ZNF638: variants seen among roughly 807,000 people sequenced by gnomAD.
ZNF638 encodes CTCL tumor antigen se33-1.
A neutral mutation model predicts 195.6 loss-of-function variants in ZNF638; 46 were observed. That is an observed-to-expected ratio of 0.24 (90% confidence interval 0.19 to 0.30). ZNF638 has a LOEUF of 0.30. Among genes scored for constraint, ZNF638 ranks in the 10% least tolerant of loss-of-function variants. The pLI, the probability that ZNF638 is intolerant of heterozygous loss-of-function variation, is 1.00. For missense variants in ZNF638, 2,440 were observed against 2,325.3 expected (o/e 1.05, Z -1.01); for synonymous variants, 845 against 772.0 (o/e 1.09, Z -1.57).
In ZNF638 at chr2:71,423,474, C is replaced by G; in HGVS notation, c.3960C>G (p.Thr1320=). The G allele has an allele frequency of 2.5e-6, 4 of 1,613,282 alleles. No individual in the cohort carries two copies. The highest frequency in any genetic ancestry group is 3.4e-6 in the Non-Finnish European group (4 of 1,179,854). ...AGAAGGAATTTAATACTAAGGAAACCAGAATGGATCTTCAAATAGGAACAG... is the reference window on the plus strand; with the variant it reads ...AGAAGGAATTTAATACTAAGGAAACGAGAATGGATCTTCAAATAGGAACAG... The part of the protein sequence containing the change: ...KEEKEFNTKE[T]RMDLQIGTEK... The change falls in exon 22 of 28, where the codon ACC becomes ACG. Residue 1320 remains threonine (T), a synonymous_variant. Coordinates refer to ENST00000264447, the MANE Select transcript of ZNF638 (RefSeq NM_014497.5).
chr2:71,374,965 T>C (rs1356679029), intron 8 of ZNF638: 1 of 151,832 alleles, frequency 6.6e-6, no homozygotes, highest in East Asian at 1.9e-4. Context: ...GATTTCCTTT[T>C]ATGCCCTTTA....
At chr2:71,385,248 C>T (rs144152641) in intron 10 of ZNF638, among the ~76,000 whole-genome samples, 202 of 152,234 alleles carry the variant, frequency 1.3e-3, no homozygotes, top group African/African-American at 4.5e-3. Context: ...CAAAACTAAA[C>T]ACATGCTTAC....
At chr2:71,382,458 A>G (rs1183516878) in intron 10 of ZNF638, among the ~76,000 whole-genome samples, 1 of 152,192 alleles carries the variant, frequency 6.6e-6, no homozygotes, top group African/African-American at 2.4e-5. Context: ...GCTCAGATTG[A>G]AGAGTGACAG....
chr2:71,381,432 T>C (rs1301128225), intron 10 of ZNF638, among the ~76,000 whole-genome samples: 1 of 152,108 alleles, frequency 6.6e-6, no homozygotes, highest in Non-Finnish European at 1.5e-5. Flanking sequence ...ATACTATGAA[T>C]GGCTTCTGGA....
chr2:71,429,153 A>T (rs1256517572), intron 25 of ZNF638, among the ~76,000 whole-genome samples: 1 of 152,216 alleles, frequency 6.6e-6, no homozygotes, highest in African/African-American at 2.4e-5. Flanking sequence ...TCTTGCTCTC[A>T]AGGGGTTTAT....
intron 4 of ZNF638, 94 bp downstream of exon 4, chr2:71,363,285 C>T (rs1303304752): frequency 2.0e-6 from 2 of 984,688 alleles, no homozygotes; most frequent in Admixed American, 2.7e-5. Context: ...AGTTCTACTT[C>T]TGCCATTTAA....
chr2:71,378,236 A>G (rs2079470677), intron 8 of ZNF638, among the ~76,000 whole-genome samples: 1 of 152,236 alleles, frequency 6.6e-6, no homozygotes, highest in South Asian at 2.1e-4. Context: ...AAAAATTGGA[A>G]TGTAGCCAAG....
At position 71,406,144 on chromosome 2, in the gene ZNF638, T is replaced by C. The variant is rs765397395; in HGVS notation, c.3017T>C (p.Ile1006Thr). ...ENDPEANIDT[I>T]YDRFVHLDNL... ...AAACTACAGGCAAACATAGATACAATTTATGATCGATTTGTACATCTTGAT... is the reference window on the plus strand; with the variant it reads ...AAACTACAGGCAAACATAGATACAACTTATGATCGATTTGTACATCTTGAT... The change falls in exon 19 of 28, where the codon ATT becomes ACT. Residue 1006 changes from isoleucine (I) to threonine (T), a missense_variant. Ile to Thr is a moderately conservative substitution (Grantham distance 89). This residue lies in a region of ZNF638 where 1,883 missense variants were observed against 1,739.1 expected (regional missense o/e 1.08). Coordinates refer to ENST00000264447, the MANE Select transcript of ZNF638 (RefSeq NM_014497.5). 2 of 1,613,724 alleles carry C rather than the reference T, an allele frequency of 1.2e-6. No individual in the cohort carries two copies. The highest frequency in any genetic ancestry group is 1.7e-6 in the Non-Finnish European group (2 of 1,179,744).
At chr2:71,380,680 A>G in intron 10 of ZNF638, 115 bp downstream of exon 10, 2 of 727,300 alleles carry the variant, frequency 2.7e-6, no homozygotes, top group South Asian at 2.3e-5. Flanking sequence ...GACCCAAATT[A>G]CATTCTTTAA....
chr2:71,354,428 A>C (rs762431700), intron 2 of ZNF638, among the ~76,000 whole-genome samples: 1 of 151,716 alleles, frequency 6.6e-6, no homozygotes, highest in Non-Finnish European at 1.5e-5. Context: ...TTTGTAAATG[A>C]AGTAATGTAT....
intron 10 of ZNF638, chr2:71,388,524 G>A: frequency 2.8e-6 from 2 of 713,292 alleles, no homozygotes; most frequent in Non-Finnish European, 2.6e-6. Context: ...TATTGGGGCT[G>A]CGTTCTCTCT....
At chr2:71,389,172 A>G (rs1373356976) in intron 10 of ZNF638, among the ~76,000 whole-genome samples, 2 of 152,084 alleles carry the variant, frequency 1.3e-5, no homozygotes, top group African/African-American at 2.4e-5. Flanking sequence ...CAAAGAGGAA[A>G]CAGAGGTTTT....
In ZNF638 at chr2:71,377,059, G is replaced by A. The variant is rs149895202; in HGVS notation, c.2266-3163G>A. 9.9e-3 allele frequency among the ~76,000 whole-genome samples: 1,503 copies of A among 152,236 alleles called. 33 individuals carry two copies. Among genetic ancestry groups the A allele is most frequent in the African/African-American group, 0.033 (1,372 of 41,538 alleles). On this transcript the variant is annotated intron_variant, in intron 8 of 27. Transcript: ENST00000264447. ...AGGCCGAGGCAGGATGATTGCTTGAGCCCAGGAGTTTGAGACTAGCCCAGG... is the reference window on the plus strand; with the variant it reads ...AGGCCGAGGCAGGATGATTGCTTGAACCCAGGAGTTTGAGACTAGCCCAGG...
At chr2:71,380,635 A>G (rs2104352013) in intron 10 of ZNF638, 70 bp downstream of exon 10, 1 of 1,317,978 alleles carries the variant, frequency 7.6e-7, no homozygotes, top group African/African-American at 1.5e-5. Flanking sequence ...TTAGATGATG[A>G]TGCTATGAAG....
chr2:71,385,094 T>C (rs1227339124), intron 10 of ZNF638, among the ~76,000 whole-genome samples: 3 of 152,172 alleles, frequency 2.0e-5, no homozygotes, highest in African/African-American at 4.8e-5. Context: ...ACAAAGACAC[T>C]ACACACCTAT....
At chr2:71,342,684 G>A (rs1389109395) in intron 1 of ZNF638, among the ~76,000 whole-genome samples, 1 of 43,972 alleles carries the variant, frequency 2.3e-5, no homozygotes, top group Non-Finnish European at 8.1e-5. Flanking sequence ...TTGTGCGTGC[G>A]TGTGTGTGTG....
chr2:71,419,311 G>T (rs1268986831), intron 21 of ZNF638, among the ~76,000 whole-genome samples: 1 of 152,104 alleles, frequency 6.6e-6, no homozygotes, highest in Admixed American at 6.6e-5. Context: ...CACTGATTTA[G>T]AATATTTCTT....
At chr2:71,408,476 T>G in intron 20 of ZNF638, 1 of 454,322 alleles carries the variant, frequency 2.2e-6, no homozygotes. Context: ...TACTTACTGT[T>G]GACATGTAGG....
intron 10 of ZNF638, among the ~76,000 whole-genome samples, chr2:71,393,019 A>G (rs1403794374): frequency 3.3e-5 from 5 of 152,174 alleles, no homozygotes; most frequent in Admixed American, 6.5e-5. Flanking sequence ...TAAAACTGAT[A>G]ATAATCTGGC....
Sources: allele counts gnomAD v4.1 joint callset (sites outside exome capture counted in the v4.1 genomes callset), GRCh38; gene constraint gnomAD v4.1.1; regional missense constraint gnomAD v4.1.1; transcripts MANE v1.5; gene names NCBI Gene and HGNC (gene_info 2026-07-23, HGNC 2026-07-21).